CACNA2D4: variants seen among roughly 807,000 people sequenced by gnomAD.
CACNA2D4 encodes the protein calcium voltage-gated channel auxiliary subunit alpha2delta 4, also known as voltage-dependent calcium channel subunit alpha-2/delta-4.
In CACNA2D4, 157 loss-of-function variants were observed where a neutral mutation model predicts 163.8. That is an observed-to-expected ratio of 0.96 (90% CI 0.84 to 1.09). CACNA2D4 has a LOEUF of 1.09. Among genes scored for constraint, CACNA2D4 ranks in the 50% least tolerant of loss-of-function variants. CACNA2D4 has a pLI of 0.00. For synonymous variants in CACNA2D4, 598 were observed against 586.9 expected (o/e 1.02, Z -0.27); for missense variants, 1,410 against 1,479.9 (o/e 0.95, Z 0.78).
In CACNA2D4 at chr12:1,840,779, A is replaced by G. The variant is rs1433216172; in HGVS notation, c.2511T>C (p.Ala837=). 6.2e-7 allele frequency: 1 copy of G among 1,613,944 alleles called. No individual in the cohort carries two copies. The highest frequency in any genetic ancestry group is 1.7e-5 in the Admixed American group (1 of 60,026). Residue 837 remains alanine (A), a synonymous_variant, in exon 26 of 38, where the codon GCT becomes GCC. Transcript: ENST00000382722. ...TCCTCTTGTCCACGGTCACCGCCAC[A>G]GCTGTGCTTGCCGTCACCACCATGG... The part of the protein sequence containing the change: ...GEPMVVTAST[A]VAVTVDKRTA...
At chr12:1,865,827 T>C (rs931905501) in intron 18 of CACNA2D4, among the ~76,000 whole-genome samples, 1 of 152,268 alleles carries the variant, frequency 6.6e-6, no homozygotes, top group Admixed American at 6.5e-5. Flanking sequence ...TTCTGTTTGC[T>C]GCTATATATG....
In CACNA2D4 at chr12:1,878,236, T is replaced by A. The variant is rs1865920371; in HGVS notation, c.1719+79A>T. On this transcript the variant is annotated intron_variant, in intron 16 of 37. Transcript: ENST00000382722. This position sits in a 1 kb window ranked among gnomAD's most constrained non-coding sequence, Gnocchi z 4.6. ...TCCTAAATGGAGCCCAATGTGTGTTTGTTGTTTTAATCGTTTTTGTGAATT... is the reference window on the plus strand; with the variant it reads ...TCCTAAATGGAGCCCAATGTGTGTTAGTTGTTTTAATCGTTTTTGTGAATT... 1 of 1,494,216 alleles carries A rather than the reference T, an allele frequency of 6.7e-7. No homozygotes were observed. 92.6% of individuals were successfully genotyped at this position (1,494,216 alleles called of 1,614,324 possible). A position where few individuals can be genotyped will look rare whatever the true frequency, so the allele number is the denominator to read the frequency against.
chr12:1,801,592 C>G lies in CACNA2D4; in HGVS notation c.2774G>C (p.Ser925Thr). The part of the protein sequence containing the change: ...VDGAVLTQLL[S>T]MGVFSQVTMY... ...CACTTACTGGCTGAACACCCCCATGCTGAGCAGCTGGGTCAGGACAGCACC... is the reference window on the plus strand; with the variant it reads ...CACTTACTGGCTGAACACCCCCATGGTGAGCAGCTGGGTCAGGACAGCACC... The change falls in exon 30 of 38, where the codon AGC becomes ACC. Residue 925 changes from serine (S) to threonine (T), a missense_variant. By Grantham distance (58) the Ser-to-Thr change is moderately conservative (BLOSUM62 1). Transcript: ENST00000382722. 1 of 1,590,912 alleles carries G rather than the reference C, an allele frequency of 6.3e-7. No homozygotes were observed. Among genetic ancestry groups the G allele is most frequent in the Non-Finnish European group, 8.6e-7 (1 of 1,168,570 alleles).
intron 4 of CACNA2D4, among the ~76,000 whole-genome samples, chr12:1,909,451 C>T (rs1376309769): frequency 6.6e-6 from 1 of 152,250 alleles, no homozygotes; most frequent in Non-Finnish European, 1.5e-5. Context: ...GCCTCAGCCT[C>T]CCAAAGTGCT....
chr12:1,876,640 G>T (rs552098217), intron 16 of CACNA2D4, among the ~76,000 whole-genome samples: 1 of 152,128 alleles, frequency 6.6e-6, no homozygotes, highest in Non-Finnish European at 1.5e-5. Context: ...GGGAAGTGTC[G>T]TGCTGATTTC....
At chr12:1,853,360 T>C (rs1174099980) in intron 23 of CACNA2D4, among the ~76,000 whole-genome samples, 1 of 152,208 alleles carries the variant, frequency 6.6e-6, no homozygotes, top group Non-Finnish European at 1.5e-5. Context: ...AAAAAACTAA[T>C]TTTTAATTTT....
intron 8 of CACNA2D4, 33 bp downstream of exon 8, chr12:1,886,190 G>C (rs769928933): frequency 6.2e-7 from 1 of 1,605,418 alleles, no homozygotes; most frequent in Non-Finnish European, 8.5e-7. Context: ...TAGAGCAAGT[G>C]AGAGCTATTC....
intron 6 of CACNA2D4, among the ~76,000 whole-genome samples, chr12:1,891,195 C>T (rs965468747): frequency 6.6e-6 from 1 of 152,192 alleles, no homozygotes; most frequent in Admixed American, 6.5e-5. Flanking sequence ...CATGCATGCT[C>T]AGCCCACTGC....
intron 29 of CACNA2D4, among the ~76,000 whole-genome samples, chr12:1,809,104 G>A (rs1863630057): frequency 1.3e-5 from 2 of 152,246 alleles, no homozygotes; most frequent in African/African-American, 4.8e-5. Context: ...CAAGGAGTTA[G>A]ATTTCATGAC....
chr12:1,837,742 G>A (rs2154447526), intron 26 of CACNA2D4, among the ~76,000 whole-genome samples: 1 of 152,286 alleles, frequency 6.6e-6, no homozygotes, highest in South Asian at 2.1e-4. Context: ...TAGGGATGTT[G>A]CTCTCCTATA....
chr12:1,887,675 A>C (rs1866181105), intron 6 of CACNA2D4, among the ~76,000 whole-genome samples: 1 of 152,216 alleles, frequency 6.6e-6, no homozygotes, highest in African/African-American at 2.4e-5. Context: ...GCTGGTGTAG[A>C]TTTTTATCCT....
intron 22 of CACNA2D4, 34 bp downstream of exon 22, chr12:1,855,978 G>A (rs990399470): frequency 6.4e-7 from 1 of 1,557,790 alleles, no homozygotes; most frequent in Non-Finnish European, 8.9e-7. Context: ...GGCCCCAGAG[G>A]AAAAGCTTGC....
At chr12:1,892,935 A>G (rs1390451938) in intron 6 of CACNA2D4, among the ~76,000 whole-genome samples, 1 of 152,238 alleles carries the variant, frequency 6.6e-6, no homozygotes, top group Non-Finnish European at 1.5e-5. Context: ...CAAGTTAGCA[A>G]GAGTATATGG....
At chr12:1,915,121 A>G (rs982445129) in intron 1 of CACNA2D4, 186 bp from the exon 2 acceptor site, 12 of 705,466 alleles carry the variant, frequency 1.7e-5, no homozygotes, top group African/African-American at 3.5e-5. Flanking sequence ...GTACACACAC[A>G]TACATACCCC....
chr12:1,811,558 A>T lies in CACNA2D4; in HGVS notation c.2613+104T>A, dbSNP rs955136718. 3.2e-5 allele frequency: 38 copies of T among 1,191,678 alleles called. No homozygotes were observed. The Middle Eastern group carries it at 1.6e-3, about 51-fold the overall frequency. The allele number at this position is 1,191,678 out of a possible 1,614,324, so 73.8% of individuals were successfully genotyped here. A position where few individuals can be genotyped will look rare whatever the true frequency, so the allele number is the denominator to read the frequency against. ...GTGTAGGGGCCGGGAGGGCATCCTG[A>T]GAGCCTCAAGGCAGTGGAGCATCCA... is the stretch of plus-strand genomic sequence containing the variant. On this transcript the variant is annotated intron_variant, in intron 27 of 37. Coordinates refer to ENST00000382722, the MANE Select transcript of CACNA2D4 (RefSeq NM_172364.5).
chr12:1,884,483 G>A (rs1866086227), intron 11 of CACNA2D4, among the ~76,000 whole-genome samples, 162 bp from the exon 12 acceptor site: 1 of 152,108 alleles, frequency 6.6e-6, no homozygotes, highest in Non-Finnish European at 1.5e-5. Flanking sequence ...TTCGCCCAGG[G>A]CCATGGGGAC....
intron 6 of CACNA2D4, among the ~76,000 whole-genome samples, chr12:1,898,224 T>C (rs558568920): frequency 1.1e-4 from 16 of 152,170 alleles, no homozygotes; most frequent in African/African-American, 3.9e-4. Flanking sequence ...AAAAAATAGA[T>C]AGACTGGACA....
chr12:1,915,652 A>G (rs371349990), intron 1 of CACNA2D4, among the ~76,000 whole-genome samples: 3 of 152,212 alleles, frequency 2.0e-5, no homozygotes, highest in African/African-American at 7.2e-5. Flanking sequence ...AGGAGGGCAT[A>G]AGGAGGCCAC....
intron 26 of CACNA2D4, among the ~76,000 whole-genome samples, chr12:1,819,471 C>G (rs899088985): frequency 1.3e-5 from 2 of 152,120 alleles, no homozygotes; most frequent in South Asian, 4.1e-4. Flanking sequence ...GCTGTGAACC[C>G]CTCCAGCAAA....
Sources: gnomAD v4.1 joint callset for allele counts (sites outside exome capture counted in the v4.1 genomes callset) on GRCh38, gnomAD v4.1.1 for gene constraint, Gnocchi (gnomAD v3.1) non-coding constraint, MANE v1.5 for transcripts, NCBI Gene and HGNC (gene_info 2026-07-23, HGNC 2026-07-21) for gene names.